The following CNTN5 variants were observed in gnomAD, a reference collection of about 807,000 sequenced individuals.
CNTN5 encodes the protein contactin-5.
Under a neutral mutation model 129.1 loss-of-function variants are expected in CNTN5, and 77 were observed. The ratio of observed to expected loss-of-function variants is 0.60; its 90% confidence interval spans 0.50 to 0.72. The LOEUF (loss-of-function observed/expected upper bound fraction) is 0.72. CNTN5 is among the 30% of genes least tolerant of loss of function. The pLI, the probability that CNTN5 is intolerant of heterozygous loss-of-function variation, is 0.00. For missense variants in CNTN5, 1,478 were observed against 1,328.8 expected (o/e 1.11, Z -1.75); for synonymous variants, 509 against 465.6 (o/e 1.09, Z -1.20).
At chr11:100,013,598 G>A (rs1054588627) in intron 9 of CNTN5, among the ~76,000 whole-genome samples, 4 of 152,104 alleles carry the variant, frequency 2.6e-5, no homozygotes, top group Admixed American at 6.6e-5. Context: ...ATTACAAACA[G>A]GAATGAATTT....
chr11:99,938,630 A>G (rs1175485841), intron 7 of CNTN5, among the ~76,000 whole-genome samples: 2 of 152,122 alleles, frequency 1.3e-5, no homozygotes, highest in African/African-American at 2.4e-5. Context: ...GATATATAGA[A>G]TTGTTCTGTC....
chr11:99,093,119 A>C (rs930387153), intron 1 of CNTN5, among the ~76,000 whole-genome samples: 1 of 152,066 alleles, frequency 6.6e-6, no homozygotes, highest in African/African-American at 2.4e-5. Flanking sequence ...GGACCCTAGA[A>C]ATTTTATTAA....
rs1866113589 is a variant in CNTN5, at chr11:99,333,981, CA to C, written c.-71+8498del. The stretch of plus-strand genomic sequence containing the variant: ...TTTCTCTCTCTCTCTCTCACACACA[CA>C]CACACACACACACACAGTGCATTGT... On this transcript the variant is annotated intron_variant, in intron 2 of 24. Transcript: ENST00000524871. Among the ~76,000 whole-genome samples, 3 of 151,532 alleles carry C rather than the reference CA, an allele frequency of 2.0e-5. No homozygotes were observed. In the South Asian group the frequency reaches 6.3e-4, roughly 32 times the overall value.
At chr11:99,667,007 TA>T (rs1273319425) in intron 3 of CNTN5, among the ~76,000 whole-genome samples, 1 of 151,958 alleles carries the variant, frequency 6.6e-6, no homozygotes, top group Admixed American at 6.6e-5. Flanking sequence ...TATAATGCTT[TA>T]ATAATAATTA....
chr11:99,400,685 C>A (rs1021546636), intron 2 of CNTN5, among the ~76,000 whole-genome samples: 4 of 152,122 alleles, frequency 2.6e-5, no homozygotes, highest in African/African-American at 9.7e-5. Flanking sequence ...GTACTATTCA[C>A]TCTCTCACCA....
At chr11:99,185,329 T>C (rs1054342251) in intron 1 of CNTN5, among the ~76,000 whole-genome samples, 4 of 151,892 alleles carry the variant, frequency 2.6e-5, no homozygotes, top group Admixed American at 6.6e-5. Flanking sequence ...ATTGAGTATC[T>C]ATAGTGGGAG....
At chr11:99,764,709 T>C (rs1368480129) in intron 3 of CNTN5, among the ~76,000 whole-genome samples, 1 of 152,168 alleles carries the variant, frequency 6.6e-6, no homozygotes, top group Admixed American at 6.6e-5. Context: ...AAACCATTTA[T>C]TTAATGCAAT....
chr11:99,160,678 T>A (rs915163021), intron 1 of CNTN5, among the ~76,000 whole-genome samples: 3 of 152,180 alleles, frequency 2.0e-5, no homozygotes, highest in African/African-American at 7.2e-5. Context: ...AAGGTAACTA[T>A]AGATTACAAA....
Position 100,120,175 on chromosome 11 carries a change from G to A in CNTN5, c.1580+45881G>A, listed in dbSNP as rs533869650. Among the ~76,000 whole-genome samples the A allele has an allele frequency of 2.6e-5, 4 of 151,932 alleles. No individual in the cohort carries two copies. In the East Asian group the frequency reaches 5.8e-4, roughly 22 times the overall value. ...TCACTATTATAGGATATTTTAAAATGGAAATACTTAAGCACGCATCTTTGT... is the reference window on the plus strand; with the variant it reads ...TCACTATTATAGGATATTTTAAAATAGAAATACTTAAGCACGCATCTTTGT... On this transcript the variant is annotated intron_variant, in intron 13 of 24. Coordinates refer to ENST00000524871, the MANE Select transcript of CNTN5 (RefSeq NM_014361.4).
intron 2 of CNTN5, among the ~76,000 whole-genome samples, chr11:99,447,212 AG>A (rs1358262158): frequency 2.6e-5 from 4 of 152,216 alleles, no homozygotes; most frequent in Admixed American, 1.3e-4. Context: ...GAAGCTATGT[AG>A]GGATTGACAT....
intron 6 of CNTN5, among the ~76,000 whole-genome samples, chr11:99,906,345 A>G (rs539856510): frequency 5.7e-4 from 86 of 152,206 alleles, no homozygotes; most frequent in Middle Eastern, 6.8e-3. Context: ...TTTAGCATGA[A>G]GGGGTGGGGT....
At chr11:99,590,916 A>G (rs867363718) in intron 3 of CNTN5, among the ~76,000 whole-genome samples, 1 of 152,246 alleles carries the variant, frequency 6.6e-6, no homozygotes, top group Middle Eastern at 3.4e-3. Flanking sequence ...CTATATTTCA[A>G]ATAAAGATAT....
At chr11:99,416,242 A>T (rs1942649286) in intron 2 of CNTN5, among the ~76,000 whole-genome samples, 1 of 152,120 alleles carries the variant, frequency 6.6e-6, no homozygotes, top group Admixed American at 6.5e-5. Context: ...TTTTTTCAAC[A>T]TATATTATCT....
At chr11:100,030,915 C>T (rs1227215476) in intron 9 of CNTN5, among the ~76,000 whole-genome samples, 1 of 152,076 alleles carries the variant, frequency 6.6e-6, no homozygotes, top group Non-Finnish European at 1.5e-5. Context: ...GACCACATTT[C>T]CCAAATACAA....
chr11:99,748,777 A>G (rs1378312188), intron 3 of CNTN5, among the ~76,000 whole-genome samples: 1 of 152,194 alleles, frequency 6.6e-6, no homozygotes, highest in Non-Finnish European at 1.5e-5. Flanking sequence ...TGTTCTATCC[A>G]GGTCCTCAAT....
chr11:99,852,152 A>G (rs908162773), intron 6 of CNTN5, among the ~76,000 whole-genome samples: 1 of 152,188 alleles, frequency 6.6e-6, no homozygotes, highest in Non-Finnish European at 1.5e-5. Flanking sequence ...CCATATACAA[A>G]TGACTCTTTT....
intron 6 of CNTN5, among the ~76,000 whole-genome samples, chr11:99,882,822 T>G (rs1948806434): frequency 6.6e-6 from 1 of 152,132 alleles, no homozygotes; most frequent in Non-Finnish European, 1.5e-5. Context: ...TTCTGACTAC[T>G]TTTTTTGTGC....
chr11:99,756,754 TAAGA>T (rs752811806), intron 3 of CNTN5, among the ~76,000 whole-genome samples: 39 of 152,162 alleles, frequency 2.6e-4, no homozygotes, highest in Non-Finnish European at 4.3e-4. Context: ...TCTTGTTATA[TAAGA>T]AAGAAATGAG....
intron 3 of CNTN5, among the ~76,000 whole-genome samples, chr11:99,676,010 T>G (rs1953266664): frequency 6.6e-6 from 1 of 152,092 alleles, no homozygotes; most frequent in South Asian, 2.1e-4. Context: ...ACTCTGAGAG[T>G]GTTTGTAGAT....
Sources: gnomAD v4.1 joint callset for allele counts (sites outside exome capture counted in the v4.1 genomes callset) on GRCh38, gnomAD v4.1.1 for gene constraint, MANE v1.5 for transcripts, NCBI Gene and HGNC (gene_info 2026-07-23, HGNC 2026-07-21) for gene names.